The following KLF8 variants were observed in gnomAD, a reference collection of about 807,000 sequenced individuals.
KLF8 encodes the protein Krueppel-like factor 8.
A neutral mutation model predicts 18.2 loss-of-function variants in KLF8; 10 were observed. That is an observed-to-expected ratio of 0.55 (90% CI 0.34 to 0.93). KLF8 has a LOEUF of 0.93. Ranked by LOEUF, KLF8 falls within the 40% of genes least tolerant of loss-of-function variation. The pLI is 0.02. For synonymous variants in KLF8, 109 were observed against 97.3 expected, an observed-to-expected ratio of 1.12 and a Z score of -0.71; for missense variants, 264 against 277.9, an observed-to-expected ratio of 0.95 and a Z score of 0.36.
At chrX:56,048,094 G>A in the KLF8 span, among the ~76,000 whole-genome samples, 1 of 111,556 alleles carries the variant, frequency 9.0e-6, no homozygotes, top group East Asian at 2.8e-4. Context: ...CATATCCTTT[G>A]CCCGTGTTTT....
At chrX:56,189,450 A>G in the KLF8 span, among the ~76,000 whole-genome samples, 4 of 111,511 alleles carry the variant, frequency 3.6e-5, no homozygotes, top group African/African-American at 1.3e-4. Flanking sequence ...ACCCTTGTGG[A>G]AGTCATTGTG....
chrX:56,209,949 CCTG>C, the KLF8 span, among the ~76,000 whole-genome samples: 1 of 111,906 alleles, frequency 8.9e-6, no homozygotes, highest in African/African-American at 3.2e-5. Flanking sequence ...AGTTTGTCCT[CCTG>C]CTTTTTAATT....
chrX:56,174,081 C>A, the KLF8 span, among the ~76,000 whole-genome samples: 1 of 111,388 alleles, frequency 9.0e-6, no homozygotes, highest in Admixed American at 9.6e-5. Flanking sequence ...ATTGAATAAC[C>A]TTTATTTCCT....
the KLF8 span, among the ~76,000 whole-genome samples, chrX:56,182,741 A>G: frequency 1.8e-5 from 2 of 112,601 alleles, no homozygotes; most frequent in Non-Finnish European, 3.8e-5. Flanking sequence ...TCCCCTCCAG[A>G]CCCTGTTTGC....
chrX:56,075,163 G>C, the KLF8 span, among the ~76,000 whole-genome samples: 116 of 109,465 alleles, frequency 1.1e-3, 1 homozygote, highest in Non-Finnish European at 2.0e-3. Flanking sequence ...CATTTCTTTT[G>C]TTAAATGTAT....
At chrX:56,147,467 A>T in the KLF8 span, among the ~76,000 whole-genome samples, 1 of 112,428 alleles carries the variant, frequency 8.9e-6, no homozygotes, top group Admixed American at 9.5e-5. Context: ...AAACAAAACA[A>T]AACAAAACAA....
At chrX:56,125,051 C>A in the KLF8 span, among the ~76,000 whole-genome samples, 1 of 112,180 alleles carries the variant, frequency 8.9e-6, no homozygotes, top group African/African-American at 3.2e-5. Flanking sequence ...CACCAGTTTT[C>A]CAGTTTTTGC....
At chrX:55,913,604 T>G in the KLF8 span, among the ~76,000 whole-genome samples, 1 of 111,278 alleles carries the variant, frequency 9.0e-6, no homozygotes, top group African/African-American at 3.3e-5. Context: ...TTCACAGCCC[T>G]CAGAAGGAAC....
At chrX:56,104,285 A>G in the KLF8 span, among the ~76,000 whole-genome samples, 57,760 of 110,222 alleles carry the variant, frequency 0.52, 13,619 homozygotes, top group Non-Finnish European at 0.73. Context: ...TTCAGAAGGA[A>G]TGGTGCCAGC....
chrX:55,962,117 G>A, the KLF8 span: 4 of 144,801 alleles, frequency 2.8e-5, no homozygotes, highest in Non-Finnish European at 5.4e-5. Flanking sequence ...AGCAGTTGAA[G>A]ATCTTGATCT....
At chrX:55,960,285 G>C in the KLF8 span, among the ~76,000 whole-genome samples, 1 of 112,154 alleles carries the variant, frequency 8.9e-6, no homozygotes, top group East Asian at 2.8e-4. Flanking sequence ...GGGAGGCTGA[G>C]GTGGGTGGAT....
the KLF8 span, among the ~76,000 whole-genome samples, chrX:56,012,950 G>A: frequency 6.4e-4 from 72 of 111,982 alleles, no homozygotes; most frequent in Non-Finnish European, 1.1e-3. Flanking sequence ...CATGCTACCT[G>A]ATTTCAAACT....
the KLF8 span, among the ~76,000 whole-genome samples, chrX:56,091,330 C>T: frequency 9.0e-5 from 10 of 110,836 alleles, no homozygotes; most frequent in Non-Finnish European, 1.9e-5. Context: ...CTCTCACCAT[C>T]CACCATGATT....
chrX:56,051,469 G>A, the KLF8 span, among the ~76,000 whole-genome samples: 1 of 109,992 alleles, frequency 9.1e-6, no homozygotes, highest in Non-Finnish European at 1.9e-5. Flanking sequence ...GCCTGGTGGT[G>A]ACAAAATCTC....
chrX:55,956,133 C>A, the KLF8 span, among the ~76,000 whole-genome samples: 1 of 52,033 alleles, frequency 1.9e-5, no homozygotes, highest in Non-Finnish European at 3.2e-5. Context: ...ATCTATTTAT[C>A]TATCTATCTA....
chrX:56,279,320 C>T (rs2067166220), intron 5 of KLF8, among the ~76,000 whole-genome samples: 1 of 111,067 alleles, frequency 9.0e-6, no homozygotes, highest in Non-Finnish European at 1.9e-5. Context: ...ATTTATTTTT[C>T]AATTGTATAA....
At chrX:56,178,175 CTCT>C in the KLF8 span, among the ~76,000 whole-genome samples, 6 of 112,447 alleles carry the variant, frequency 5.3e-5, no homozygotes, top group Middle Eastern at 9.2e-3. Flanking sequence ...GCAGAAATCA[CTCT>C]TCTTCTGCTT....
At chrX:55,925,104 G>T in the KLF8 span, among the ~76,000 whole-genome samples, 1 of 100,370 alleles carries the variant, frequency 1.0e-5, no homozygotes, top group Non-Finnish European at 2.0e-5. Context: ...CAGGTGATCC[G>T]CCTGCTTCAG....
At chrX:56,015,262 A>C in the KLF8 span, 81 of 111,980 alleles carry the variant, frequency 7.2e-4, no homozygotes, top group African/African-American at 2.6e-3. Flanking sequence ...GTCAGATTTG[A>C]TGTGTCACAA....
Sources: allele counts gnomAD v4.1 joint callset (sites outside exome capture counted in the v4.1 genomes callset), GRCh38; gene constraint gnomAD v4.1.1; transcripts MANE v1.5; gene names NCBI Gene and HGNC (gene_info 2026-07-23, HGNC 2026-07-21).